Variants in B3GAT2 observed in about 807,000 individuals in gnomAD.
B3GAT2 encodes beta-1,3-glucuronyltransferase 2, also known as galactosylgalactosylxylosylprotein 3-beta-glucuronosyltransferase 2.
B3GAT2 carries 26 observed loss-of-function variants against 27.8 expected under a neutral mutation model. The ratio of observed to expected loss-of-function variants is 0.93; its 90% CI spans 0.68 to 1.30. The LOEUF (loss-of-function observed/expected upper bound fraction) is 1.30. Ranked by LOEUF, B3GAT2 falls within the 50% of genes most tolerant of loss-of-function variation. The pLI, the probability that B3GAT2 is intolerant of heterozygous loss-of-function variation, is 0.00. For synonymous variants in B3GAT2, 218 were observed against 195.1 expected (o/e 1.12, Z -0.98); for missense variants, 458 against 459.0 (o/e 1.00, Z 0.02).
At chr6:70,945,796 G>A (rs1211305454) in intron 1 of B3GAT2, among the ~76,000 whole-genome samples, 3 of 150,934 alleles carry the variant, frequency 2.0e-5, no homozygotes, top group Non-Finnish European at 4.4e-5. Context: ...TGAAATGAAG[G>A]AAAAAATGGT....
chr6:70,941,437 C>G (rs1045281350), intron 1 of B3GAT2, among the ~76,000 whole-genome samples: 1 of 152,076 alleles, frequency 6.6e-6, no homozygotes, highest in South Asian at 2.1e-4. Flanking sequence ...TGGGCTGTTA[C>G]GCCTATGTGA....
intron 2 of B3GAT2, among the ~76,000 whole-genome samples, chr6:70,886,685 C>T (rs1772192502): frequency 6.6e-6 from 1 of 152,168 alleles, no homozygotes; most frequent in Non-Finnish European, 1.5e-5. Context: ...CACAGATGCA[C>T]ATGTGCTCCT....
chr6:70,923,641 G>A (rs1772907111), intron 1 of B3GAT2, among the ~76,000 whole-genome samples: 1 of 152,106 alleles, frequency 6.6e-6, no homozygotes, highest in Non-Finnish European at 1.5e-5. Context: ...TCCAATCTGG[G>A]CGACAGAGTC....
intron 1 of B3GAT2, among the ~76,000 whole-genome samples, chr6:70,930,481 T>C (rs369285135): frequency 6.6e-5 from 10 of 152,086 alleles, no homozygotes; most frequent in African/African-American, 1.9e-4. Flanking sequence ...ACAAAGAACT[T>C]AAACAAATTT....
intron 2 of B3GAT2, among the ~76,000 whole-genome samples, chr6:70,889,700 C>T (rs968259047): frequency 1.3e-5 from 2 of 152,116 alleles, no homozygotes; most frequent in African/African-American, 4.8e-5. Context: ...TCACAACATC[C>T]TTTCAAATCC....
chr6:70,894,402 G>T, intron 1 of B3GAT2, 130 bp from the exon 2 acceptor site: 1 of 997,328 alleles, frequency 1.0e-6, no homozygotes. Context: ...TTTCAAAACA[G>T]AATCCTTCTG....
chr6:70,884,507 C>G (rs555574), intron 2 of B3GAT2, among the ~76,000 whole-genome samples: 49,529 of 152,044 alleles, frequency 0.33, 9,402 homozygotes, highest in East Asian at 0.7. Flanking sequence ...AGTGTACTCC[C>G]GGGCTAGCAA....
At chr6:70,864,949 T>C (rs1384228584) in intron 2 of B3GAT2, among the ~76,000 whole-genome samples, 1 of 151,100 alleles carries the variant, frequency 6.6e-6, no homozygotes, top group Non-Finnish European at 1.5e-5. Flanking sequence ...AAAAAAAAAA[T>C]GCAAATAAAA....
At chr6:70,874,914 A>G (rs1327907443) in intron 2 of B3GAT2, among the ~76,000 whole-genome samples, 1 of 152,080 alleles carries the variant, frequency 6.6e-6, no homozygotes, top group African/African-American at 2.4e-5. Context: ...TTGGTTTTCA[A>G]AGCTACCATG....
Position 70,889,971 on chromosome 6 carries a change from G to A in B3GAT2, c.736+4157C>T, listed in dbSNP as rs142209842. On this transcript the variant is annotated intron_variant, in intron 2 of 3. Transcript: ENST00000230053. ...TAATTTTTGTATTTGTAGTAGAGAC[G>A]GGGTTTCACCATGTTGGCCAGGCTG... Among the ~76,000 whole-genome samples, 323 of 151,874 alleles carry A rather than the reference G, an allele frequency of 2.1e-3. 1 individual carries two copies. Among genetic ancestry groups the A allele is most frequent in the African/African-American group, 7.0e-3 (290 of 41,414 alleles).
intron 2 of B3GAT2, among the ~76,000 whole-genome samples, chr6:70,864,992 ACTT>A (rs1396112922): frequency 1.3e-5 from 2 of 152,200 alleles, no homozygotes; most frequent in Admixed American, 6.5e-5. Context: ...GGATTTCCTG[ACTT>A]CTTCAGCAGA....
chr6:70,887,229 G>A (rs531715841), intron 2 of B3GAT2, among the ~76,000 whole-genome samples: 1 of 152,264 alleles, frequency 6.6e-6, no homozygotes, highest in Non-Finnish European at 1.5e-5. Flanking sequence ...GATCCGGGCT[G>A]GGCTGAAGCT....
chr6:70,917,976 C>T (rs1414354947), intron 1 of B3GAT2, among the ~76,000 whole-genome samples: 2 of 152,008 alleles, frequency 1.3e-5, no homozygotes, highest in African/African-American at 4.8e-5. Context: ...CTCGTTGATC[C>T]ATCTAATATT....
intron 2 of B3GAT2, among the ~76,000 whole-genome samples, chr6:70,889,300 G>C (rs1454493294): frequency 1.3e-5 from 2 of 152,048 alleles, no homozygotes; most frequent in Non-Finnish European, 2.9e-5. Context: ...CATCATTAAA[G>C]AAAGAGGAAA....
intron 1 of B3GAT2, among the ~76,000 whole-genome samples, chr6:70,925,314 A>G: frequency 6.6e-6 from 1 of 152,234 alleles, no homozygotes; most frequent in Non-Finnish European, 1.5e-5. Flanking sequence ...CAGTGGGTGC[A>G]GGCCATGGAG....
At position 70,949,224 on chromosome 6, in the gene B3GAT2, G is replaced by C. The variant is rs1249785698; in HGVS notation, c.591+6615C>G. ...ACAAATGGGATCTAATTAAACTAAA[G>C]AGCTTCTGCACAGCAAAAGAAACTA... On this transcript the variant is annotated intron_variant, in intron 1 of 3. Coordinates refer to ENST00000230053, the MANE Select transcript of B3GAT2 (RefSeq NM_080742.3). Among the ~76,000 whole-genome samples the C allele has an allele frequency of 2.0e-5, 3 of 151,764 alleles. No homozygotes were observed. The East Asian group carries it at 5.8e-4, about 29-fold the overall frequency.
intron 1 of B3GAT2, among the ~76,000 whole-genome samples, chr6:70,953,815 C>T (rs1262630478): frequency 1.3e-5 from 2 of 151,226 alleles, no homozygotes; most frequent in Non-Finnish European, 2.9e-5. Flanking sequence ...TTTTTTTCTC[C>T]TTACCCTCTC....
At chr6:70,917,221 AT>A (rs2150040806) in intron 1 of B3GAT2, among the ~76,000 whole-genome samples, 1 of 152,210 alleles carries the variant, frequency 6.6e-6, no homozygotes, top group Admixed American at 6.5e-5. Flanking sequence ...GATAGTTTGT[AT>A]TTCCGTGGGA....
chr6:70,955,858 C>A lies in B3GAT2; in HGVS notation c.572G>T (p.Ser191Ile). The change falls in exon 1 of 4, where the codon AGT (serine) becomes ATT (isoleucine). Residue 191 changes from serine to isoleucine, a missense_variant. Coordinates refer to ENST00000230053, the MANE Select transcript of B3GAT2 (RefSeq NM_080742.3). The part of the protein sequence containing the change: ...LFFADDDNTY[S>I]LELFQEMRTT... ...CTTTACCTCCTGGAAGAGCTCCAGA[C>A]TATAGGTGTTGTCGTCGTCAGCGAA... 1.2e-6 allele frequency: 2 copies of A among 1,601,552 alleles called. No individual in the cohort carries two copies. The highest frequency in any genetic ancestry group is 1.7e-6 in the Non-Finnish European group (2 of 1,175,100).
Sources: gnomAD v4.1 joint callset for allele counts (sites outside exome capture counted in the v4.1 genomes callset) on GRCh38, gnomAD v4.1.1 for gene constraint, MANE v1.5 for transcripts, NCBI Gene and HGNC (gene_info 2026-07-23, HGNC 2026-07-21) for gene names.